The following LTBP1 variants were observed in gnomAD, a reference collection of about 807,000 sequenced individuals.
The protein encoded by LTBP1 is latent-transforming growth factor beta-binding protein 1.
LTBP1 carries 129 observed loss-of-function variants against 207.6 expected under a neutral mutation model. The ratio of observed to expected loss-of-function variants is 0.62; its 90% CI spans 0.54 to 0.72. The LOEUF is 0.72. Among genes scored for constraint, LTBP1 ranks in the 30% least tolerant of loss-of-function variants. The pLI is 0.00. For synonymous variants in LTBP1, 963 were observed against 833.7 expected (o/e 1.16, Z -2.67); for missense variants, 2,281 against 2,217.2 (o/e 1.03, Z -0.58).
chr2:33,042,121 T>TGC (rs1402925945), intron 3 of LTBP1, among the ~76,000 whole-genome samples: 1 of 152,210 alleles, frequency 6.6e-6, no homozygotes, highest in Non-Finnish European at 1.5e-5. Context: ...TTTGAGTATC[T>TGC]TTGCATATGC....
At chr2:33,393,710 GT>G (rs1282127015) in intron 32 of LTBP1, among the ~76,000 whole-genome samples, 2 of 152,124 alleles carry the variant, frequency 1.3e-5, no homozygotes, top group African/African-American at 4.8e-5. Context: ...ATTTGGGTTG[GT>G]TCCAAGTCTT....
At chr2:33,240,886 G>A (rs1005852560) in intron 9 of LTBP1, among the ~76,000 whole-genome samples, 29 of 151,954 alleles carry the variant, frequency 1.9e-4, no homozygotes, top group Non-Finnish European at 4.1e-4. Flanking sequence ...TCCTGACTTC[G>A]TGATCTGCCC....
intron 5 of LTBP1, among the ~76,000 whole-genome samples, chr2:33,175,604 C>A (rs1259558076): frequency 2.0e-5 from 3 of 152,170 alleles, no homozygotes; most frequent in African/African-American, 7.2e-5. Flanking sequence ...GACACTTCCT[C>A]AGGGATCTAG....
rs2078468929 is a variant in LTBP1 at position 33,082,431 on chromosome 2, A to AATTTT, written c.864-28151_864-28150insATTTT. On this transcript the variant is annotated intron_variant, in intron 3 of 33. Transcript: ENST00000404816. ...GTTAACCGTGGCTAAAGTATGACTC[A>AATTTT]CTTTTTTTTTTTTTTTTTTTTTTTT... is the stretch of plus-strand genomic sequence containing the variant. 5.2e-5 allele frequency among the ~76,000 whole-genome samples: 6 copies of AATTTT among 116,044 alleles called. 1 individual carries two copies. The highest frequency in any genetic ancestry group is 6.7e-5 in the African/African-American group (2 of 29,924). The allele number at this position is 116,044 out of a possible 152,430, so 76.1% of individuals were successfully genotyped here.
intron 5 of LTBP1, among the ~76,000 whole-genome samples, chr2:33,140,691 G>A (rs1257879430): frequency 7.6e-6 from 1 of 131,554 alleles, no homozygotes; most frequent in Non-Finnish European, 1.6e-5. Context: ...TTTTGAGATA[G>A]AGTTTTGCTC....
At chr2:33,314,508 A>G (rs1170583180) in intron 23 of LTBP1, among the ~76,000 whole-genome samples, 2 of 152,182 alleles carry the variant, frequency 1.3e-5, no homozygotes, top group Non-Finnish European at 2.9e-5. Flanking sequence ...ATGATCATGC[A>G]CTGCACTGCA....
intron 21 of LTBP1, 44 bp downstream of exon 21, chr2:33,300,617 C>T (rs1256503586): frequency 6.3e-7 from 1 of 1,582,506 alleles, no homozygotes; most frequent in Non-Finnish European, 8.6e-7. Flanking sequence ...CAGCTTAAAG[C>T]ACCTGGTCTG....
chr2:33,263,942 ACT>A (rs1277303715), intron 15 of LTBP1, among the ~76,000 whole-genome samples: 5 of 135,768 alleles, frequency 3.7e-5, no homozygotes. Flanking sequence ...ACAGAGCGAG[ACT>A]CTGTCTAAAA....
At chr2:33,317,356 G>A (rs2094288524) in intron 24 of LTBP1, among the ~76,000 whole-genome samples, 1 of 152,158 alleles carries the variant, frequency 6.6e-6, no homozygotes. Context: ...TATTATACAT[G>A]GTAGTATAAC....
At chr2:33,151,368 G>A (rs1572872532) in intron 5 of LTBP1, among the ~76,000 whole-genome samples, 1 of 152,274 alleles carries the variant, frequency 6.6e-6, no homozygotes, top group Admixed American at 6.5e-5. Context: ...ATTCCCACCA[G>A]CAGTGTGTGA....
intron 1 of LTBP1, 70 bp downstream of exon 1, chr2:32,947,888 C>G: frequency 8.2e-7 from 1 of 1,226,428 alleles, no homozygotes; most frequent in South Asian, 3.5e-5. Context: ...CCTGCGGGGT[C>G]AGGGCCACTC....
At chr2:33,274,577 ATGACC>A (rs1454040520) in intron 16 of LTBP1, among the ~76,000 whole-genome samples, 1 of 152,210 alleles carries the variant, frequency 6.6e-6, no homozygotes, top group African/African-American at 2.4e-5. Flanking sequence ...GGCAACAGAG[ATGACC>A]TAATCCAACT....
chr2:33,045,434 A>C (rs1263715223), intron 3 of LTBP1, among the ~76,000 whole-genome samples: 1 of 152,054 alleles, frequency 6.6e-6, no homozygotes, highest in Non-Finnish European at 1.5e-5. Flanking sequence ...GATATGTGGC[A>C]TTATTTCTGA....
chr2:33,211,120 G>A (rs980149369), intron 7 of LTBP1, among the ~76,000 whole-genome samples: 1 of 152,086 alleles, frequency 6.6e-6, no homozygotes. Flanking sequence ...CAATTAATAA[G>A]AGTATTTCAG....
At chr2:33,122,658 G>A (rs987217238) in intron 4 of LTBP1, among the ~76,000 whole-genome samples, 2 of 152,242 alleles carry the variant, frequency 1.3e-5, no homozygotes, top group Non-Finnish European at 2.9e-5. Flanking sequence ...CCACGTTAAT[G>A]TTGGGTACAA....
At chr2:33,341,119 A>G (rs1287126009) in intron 24 of LTBP1, among the ~76,000 whole-genome samples, 6 of 152,096 alleles carry the variant, frequency 3.9e-5, no homozygotes, top group Non-Finnish European at 8.8e-5. Context: ...TGTTAAGTCC[A>G]GGGCAGAGAG....
chr2:33,021,009 T>C lies in LTBP1; in HGVS notation c.666T>C (p.Ala222=), dbSNP rs778154584. 12 of 1,613,826 alleles carry C rather than the reference T, an allele frequency of 7.4e-6. No individual in the cohort carries two copies. The highest frequency in any genetic ancestry group is 1.7e-5 in the Admixed American group (1 of 59,990). ...AGGGCAAAGCCTGTGAAACAATAGCTGCCCAGGACACCTCGTCACCAGTCT... is the reference window on the plus strand; with the variant it reads ...AGGGCAAAGCCTGTGAAACAATAGCCGCCCAGGACACCTCGTCACCAGTCT... ...GTKGKACETI[A]AQDTSSPVFG... is the part of the protein sequence containing the mutation. The change falls in exon 3 of 34, where the codon GCT becomes GCC. Residue 222 remains alanine (A), a synonymous_variant. Coordinates refer to ENST00000404816, the MANE Select transcript of LTBP1 (RefSeq NM_206943.4).
At chr2:33,361,146 C>T (rs2094923235) in intron 27 of LTBP1, among the ~76,000 whole-genome samples, 1 of 152,228 alleles carries the variant, frequency 6.6e-6, no homozygotes, top group East Asian at 1.9e-4. Flanking sequence ...CTTTAAGATA[C>T]TATACATCAC....
chr2:33,223,020 AACATGGC>A (rs2149441510), intron 9 of LTBP1, among the ~76,000 whole-genome samples: 1 of 152,296 alleles, frequency 6.6e-6, no homozygotes, highest in African/African-American at 2.4e-5. Context: ...CCATGTTGAG[AACATGGC>A]ACATGTCTTC....
Sources: gnomAD v4.1 joint callset for allele counts (sites outside exome capture counted in the v4.1 genomes callset) on GRCh38, gnomAD v4.1.1 for gene constraint, MANE v1.5 for transcripts, NCBI Gene and HGNC (gene_info 2026-07-23, HGNC 2026-07-21) for gene names.